Variants in KHDRBS2 observed in about 807,000 individuals in gnomAD.
KHDRBS2 encodes the protein KH domain-containing, RNA-binding, signal transduction-associated protein 2.
A neutral mutation model predicts 44.3 loss-of-function variants in KHDRBS2; 26 were observed. The ratio of observed to expected loss-of-function variants is 0.59; its 90% CI spans 0.43 to 0.81. The LOEUF (loss-of-function observed/expected upper bound fraction) is 0.81. Ranked by LOEUF, KHDRBS2 falls within the 40% of genes least tolerant of loss-of-function variation. The probability of loss-of-function intolerance (pLI) is 0.00; values close to 1 mark genes in which losing one functional copy is unlikely to be tolerated. For synonymous variants in KHDRBS2, 194 were observed against 151.1 expected, an observed-to-expected ratio of 1.28 and a Z score of -2.08; for missense variants, 476 against 433.1, an observed-to-expected ratio of 1.10 and a Z score of -0.88.
chr6:61,796,544 G>A (rs530997711), intron 6 of KHDRBS2, among the ~76,000 whole-genome samples: 24 of 151,694 alleles, frequency 1.6e-4, no homozygotes, highest in African/African-American at 5.1e-4. Flanking sequence ...TTCTTAAAGG[G>A]TACATTAAAA....
chr6:61,584,096 C>A, the KHDRBS2 span, among the ~76,000 whole-genome samples: 5 of 151,626 alleles, frequency 3.3e-5, no homozygotes, highest in African/African-American at 1.2e-4. Context: ...AGCTTTAGTA[C>A]TTTTCTCATA....
At chr6:61,584,576 T>C in the KHDRBS2 span, among the ~76,000 whole-genome samples, 1 of 151,886 alleles carries the variant, frequency 6.6e-6, no homozygotes, top group African/African-American at 2.4e-5. Context: ...TGTATATTGA[T>C]GAATTTAATT....
intron 3 of KHDRBS2, among the ~76,000 whole-genome samples, chr6:61,988,339 C>A (rs1206938318): frequency 1.3e-5 from 2 of 152,148 alleles, no homozygotes; most frequent in Non-Finnish European, 2.9e-5. Context: ...GACTTGTTTT[C>A]CTACATTTCA....
chr6:62,206,475 T>C (rs1388102707), intron 1 of KHDRBS2, among the ~76,000 whole-genome samples: 1 of 152,102 alleles, frequency 6.6e-6, no homozygotes, highest in African/African-American at 2.4e-5. Flanking sequence ...AACACTAATA[T>C]TATGTTGAGT....
rs1583793699 is a variant in KHDRBS2, at chr6:61,958,697, A to G, written c.483+19369T>C. Among the ~76,000 whole-genome samples, 7 of 152,264 alleles carry G rather than the reference A, an allele frequency of 4.6e-5. No individual in the cohort carries two copies. The East Asian group carries it at 1.2e-3, about 25-fold the overall frequency. On this transcript the variant is annotated intron_variant, in intron 4 of 8. Transcript: ENST00000281156. ...ACTCTGTCTTAAATATTCTTACTTT[A>G]CAGAACCTGATCTTACATAAAATAC...
chr6:61,707,705 C>T (rs1400097682), intron 7 of KHDRBS2, among the ~76,000 whole-genome samples: 2 of 151,714 alleles, frequency 1.3e-5, no homozygotes, highest in African/African-American at 2.4e-5. Context: ...AGTATTAATA[C>T]TAATACTGTA....
intron 1 of KHDRBS2, among the ~76,000 whole-genome samples, chr6:62,238,431 G>T (rs1468944255): frequency 3.3e-5 from 5 of 151,836 alleles, no homozygotes; most frequent in Non-Finnish European, 5.9e-5. Flanking sequence ...CTTTCTTAGG[G>T]GATGACCTAA....
intron 3 of KHDRBS2, among the ~76,000 whole-genome samples, chr6:61,983,236 C>CTTTCTTTCTTTCTTTCTTTCTTTCT (rs1309156581): frequency 1.1e-4 from 13 of 118,510 alleles, no homozygotes; most frequent in Admixed American, 2.6e-4. Context: ...TTCTTTCTTT[C>CTTTCTTTCTTTCTTTCTTTCTTTCT]TTTTTTTTTT....
intron 6 of KHDRBS2, among the ~76,000 whole-genome samples, chr6:61,773,167 G>T (rs553718107): frequency 1.3e-5 from 2 of 151,844 alleles, no homozygotes; most frequent in Admixed American, 1.3e-4. Flanking sequence ...GTAATGGGAT[G>T]GCTGGGTCAA....
At chr6:61,784,966 T>C (rs1783553954) in intron 6 of KHDRBS2, among the ~76,000 whole-genome samples, 1 of 151,962 alleles carries the variant, frequency 6.6e-6, no homozygotes, top group Non-Finnish European at 1.5e-5. Context: ...CTGGGCAACA[T>C]GGCAAAACTC....
At chr6:62,120,892 C>T (rs1807472141) in intron 2 of KHDRBS2, among the ~76,000 whole-genome samples, 1 of 152,178 alleles carries the variant, frequency 6.6e-6, no homozygotes, top group Non-Finnish European at 1.5e-5. Flanking sequence ...CCTTCCCCAA[C>T]AAGACCTCCA....
At chr6:62,208,196 G>T (rs1461648474) in intron 1 of KHDRBS2, among the ~76,000 whole-genome samples, 2 of 152,128 alleles carry the variant, frequency 1.3e-5, no homozygotes, top group Non-Finnish European at 2.9e-5. Context: ...CATCCATGTA[G>T]TAACAAATGG....
the KHDRBS2 span, among the ~76,000 whole-genome samples, chr6:61,626,941 C>T: frequency 6.6e-6 from 1 of 151,986 alleles, no homozygotes; most frequent in Non-Finnish European, 1.5e-5. Context: ...ACCTCAAATT[C>T]ATTCTGTTGT....
intron 2 of KHDRBS2, among the ~76,000 whole-genome samples, chr6:62,094,150 C>A (rs1313981765): frequency 2.6e-5 from 4 of 151,822 alleles, no homozygotes; most frequent in Non-Finnish European, 5.9e-5. Context: ...AACTCCAATT[C>A]CACCAGTAGT....
At position 61,855,144 on chromosome 6, in the gene KHDRBS2, A is replaced by C. The variant is rs1242646366; in HGVS notation, c.810+39491T>G. 2.0e-5 allele frequency among the ~76,000 whole-genome samples: 3 copies of C among 152,156 alleles called. No homozygotes were observed. In the East Asian group the frequency reaches 5.8e-4, roughly 29 times the overall value. On this transcript the variant is annotated intron_variant, in intron 6 of 8. Coordinates refer to ENST00000281156, the MANE Select transcript of KHDRBS2 (RefSeq NM_152688.4). ...TTGGGGGAAGGAGTGTTGTCCTTTT[A>C]TTGACACCATAGGTAGGCATTACTA...
At chr6:61,941,371 G>C (rs1280532387) in intron 4 of KHDRBS2, among the ~76,000 whole-genome samples, 1 of 152,062 alleles carries the variant, frequency 6.6e-6, no homozygotes, top group Non-Finnish European at 1.5e-5. Context: ...ATGTCAGTTG[G>C]CTGGGGCCCC....
chr6:61,912,275 G>A (rs1271034903), intron 4 of KHDRBS2, among the ~76,000 whole-genome samples: 3 of 152,038 alleles, frequency 2.0e-5, no homozygotes, highest in Non-Finnish European at 4.4e-5. Context: ...TGATGTCAAA[G>A]TTCCCCCCAA....
the KHDRBS2 span, among the ~76,000 whole-genome samples, chr6:61,666,633 C>T: frequency 2.0e-5 from 3 of 151,232 alleles, no homozygotes; most frequent in Non-Finnish European, 4.4e-5. Context: ...AAACTTGTGT[C>T]GAATTTGAAA....
In KHDRBS2 at chr6:61,978,093, C is replaced by T. The variant is rs1773074888; in HGVS notation, c.456G>A (p.Leu152=). The T allele has an allele frequency of 1.2e-6, 2 of 1,604,456 alleles. No individual in the cohort carries two copies. Among genetic ancestry groups the T allele is most frequent in the East Asian group, 2.3e-5 (1 of 44,432 alleles). Residue 152 remains leucine (L), a synonymous_variant, in exon 4 of 9, where the codon TTG becomes TTA. Transcript: ENST00000281156. ...GAACCAGGAATTTTTTAATCTCTTC[C>T]AATGCATGACTCATACGTGAATAAG... ...GEAYSRMSHA[L]EEIKKFLVPD...
Sources: allele counts gnomAD v4.1 joint callset (sites outside exome capture counted in the v4.1 genomes callset), GRCh38; gene constraint gnomAD v4.1.1; transcripts MANE v1.5; gene names NCBI Gene and HGNC (gene_info 2026-07-23, HGNC 2026-07-21).